The following ADAM22 variants were observed in gnomAD, a reference collection of about 807,000 sequenced individuals.
ADAM22 encodes the protein ADAM metallopeptidase domain 22.
A neutral mutation model predicts 144.6 loss-of-function variants in ADAM22; 65 were observed. The ratio of observed to expected loss-of-function variants is 0.45; its 90% CI spans 0.37 to 0.55. The LOEUF (loss-of-function observed/expected upper bound fraction) is 0.55. ADAM22 is among the 20% of genes least tolerant of loss of function. ADAM22 has a pLI of 0.00. For synonymous variants in ADAM22, 391 were observed against 412.6 expected (o/e 0.95, Z 0.63); for missense variants, 974 against 1,184.9 (o/e 0.82, Z 2.61).
At chr7:88,085,254 A>C (rs1818125571) in intron 4 of ADAM22, among the ~76,000 whole-genome samples, 1 of 152,234 alleles carries the variant, frequency 6.6e-6, no homozygotes, top group Non-Finnish European at 1.5e-5. Flanking sequence ...CTAAACTCTA[A>C]GAGCTTCTTG....
chr7:87,938,207 A>ATTT (rs59698275), intron 2 of ADAM22, among the ~76,000 whole-genome samples: 1,636 of 75,586 alleles, frequency 0.022, 297 homozygotes, highest in African/African-American at 0.087. Flanking sequence ...ATACCCATAG[A>ATTT]TTTTTTTTTT....
rs1586194186 is a variant in ADAM22, at chr7:88,148,087, G to A, written c.1486-890G>A. 3.3e-5 allele frequency among the ~76,000 whole-genome samples: 5 copies of A among 152,268 alleles called. No individual in the cohort carries two copies. In the South Asian group the frequency reaches 1.0e-3, roughly 32 times the overall value. On this transcript the variant is annotated intron_variant, in intron 17 of 31. Coordinates refer to ENST00000413139, the MANE Select transcript of ADAM22 (RefSeq NM_001324418.2). ...CAGATTGGAGTTTATAGTGGGCAGTGCATGTTCTAGGAACAGCAGGAGACT... is the reference window on the plus strand; with the variant it reads ...CAGATTGGAGTTTATAGTGGGCAGTACATGTTCTAGGAACAGCAGGAGACT...
In ADAM22 at chr7:87,959,666, A is replaced by T. The variant is rs529214103; in HGVS notation, c.247-18670A>T. Among the ~76,000 whole-genome samples, 7 of 152,342 alleles carry T rather than the reference A, an allele frequency of 4.6e-5. 1 individual carries two copies. The South Asian group carries it at 1.5e-3, about 32-fold the overall frequency. ...TTTGCCTGAAATACTTCAATATGCA[A>T]ATCAAAAGGAACAGACAGGTGATCT... On this transcript the variant is annotated intron_variant, in intron 2 of 31. Transcript: ENST00000413139.
intron 3 of ADAM22, among the ~76,000 whole-genome samples, chr7:88,020,742 T>A (rs183713579): frequency 1.6e-3 from 238 of 152,310 alleles, no homozygotes; most frequent in African/African-American, 5.4e-3. Flanking sequence ...ATTTTAAATT[T>A]TATGTATTTT....
chr7:88,186,657 G>A lies in ADAM22; in HGVS notation c.2706G>A (p.Lys902=). The part of the protein sequence containing the change: ...PWFKRDYNVA[K]WVEDVNKNTE... Reference sequence around the variant, plus strand: ...TCAAAAGAGACTATAATGTAGCTAAGTGGGTAGAAGATGTGAATAAAAACA... The same window carrying A: ...TCAAAAGAGACTATAATGTAGCTAAATGGGTAGAAGATGTGAATAAAAACA... Residue 902 remains lysine, a synonymous_variant, in exon 30 of 32, where the codon AAG becomes AAA. Transcript: ENST00000413139. The A allele has an allele frequency of 5.6e-6, 9 of 1,612,682 alleles. No homozygotes were observed. Among genetic ancestry groups the A allele is most frequent in the Non-Finnish European group, 7.6e-6 (9 of 1,178,732 alleles).
At chr7:88,102,433 A>G (rs1460603499) in intron 4 of ADAM22, among the ~76,000 whole-genome samples, 1 of 152,136 alleles carries the variant, frequency 6.6e-6, no homozygotes, top group Non-Finnish European at 1.5e-5. Context: ...GTTCTCAAGC[A>G]CTGAATTTGT....
rs557991653 is a variant in ADAM22 at position 88,108,973 on chromosome 7, G to C, written c.473+715G>C. ...TCCAAATTCAGACAGGAGTGATTTG[G>C]GTTAACTTTGGTGTCTGTTTCTGTG... On this transcript the variant is annotated intron_variant, in intron 5 of 31. Transcript: ENST00000413139. Among the ~76,000 whole-genome samples the C allele has an allele frequency of 1.5e-3, 234 of 152,196 alleles. 1 individual carries two copies. The highest frequency in any genetic ancestry group is 5.2e-3 in the African/African-American group (215 of 41,514).
chr7:88,028,445 G>T (rs1458986272), intron 3 of ADAM22, among the ~76,000 whole-genome samples: 6 of 152,152 alleles, frequency 3.9e-5, no homozygotes, highest in Non-Finnish European at 7.3e-5. Flanking sequence ...GGAGAAGAAT[G>T]TGTATTCTGT....
At position 88,128,658 on chromosome 7, in the gene ADAM22, T is replaced by C; in HGVS notation, c.735T>C (p.Ile245=). The C allele has an allele frequency of 6.2e-7, 1 of 1,611,968 alleles. No homozygotes were observed. Among genetic ancestry groups the C allele is most frequent in the Non-Finnish European group, 8.5e-7 (1 of 1,178,340 alleles). Reference sequence around the variant, plus strand: ...AAACCAAATACATTGAACTGATGATTGTGAATGATCACCTTATGGTAGGAT... The same window carrying C: ...AAACCAAATACATTGAACTGATGATCGTGAATGATCACCTTATGGTAGGAT... ...EEETKYIELM[I]VNDHLMFKKH... Residue 245 remains isoleucine, a synonymous_variant, in exon 9 of 32, where the codon ATT becomes ATC. Coordinates refer to ENST00000413139, the MANE Select transcript of ADAM22 (RefSeq NM_001324418.2).
At position 88,006,375 on chromosome 7, in the gene ADAM22, G is replaced by A. The variant is rs1793852868; in HGVS notation, c.323+27963G>A. 2.0e-5 allele frequency among the ~76,000 whole-genome samples: 3 copies of A among 151,900 alleles called. No individual in the cohort carries two copies. The South Asian group carries it at 6.2e-4, about 32-fold the overall frequency. ...GAAACTATTCCAATCAACAGAAAAA[G>A]AGGGAATCCTCCCTAACTCATTTTA... On this transcript the variant is annotated intron_variant, in intron 3 of 31. Coordinates refer to ENST00000413139, the MANE Select transcript of ADAM22 (RefSeq NM_001324418.2).
intron 3 of ADAM22, among the ~76,000 whole-genome samples, chr7:88,007,628 G>A (rs1794265514): frequency 6.6e-6 from 1 of 152,156 alleles, no homozygotes; most frequent in Admixed American, 6.6e-5. Context: ...TGACAAACCT[G>A]AGAAAAACCA....
intron 5 of ADAM22, among the ~76,000 whole-genome samples, chr7:88,112,170 G>A (rs1286198245): frequency 6.6e-6 from 1 of 152,202 alleles, no homozygotes; most frequent in Non-Finnish European, 1.5e-5. Context: ...CATATTGTCA[G>A]TAATGTCTTA....
At chr7:88,137,957 C>T (rs2129507748) in intron 14 of ADAM22, among the ~76,000 whole-genome samples, 1 of 152,216 alleles carries the variant, frequency 6.6e-6, no homozygotes, top group South Asian at 2.1e-4. Flanking sequence ...AGTTTGAGAC[C>T]AACCTGAGCA....
At chr7:88,117,784 C>T (rs1828187862) in intron 7 of ADAM22, among the ~76,000 whole-genome samples, 1 of 151,796 alleles carries the variant, frequency 6.6e-6, no homozygotes, top group Admixed American at 6.6e-5. Context: ...ACCTCCGCCT[C>T]CTGGGTTCAG....
chr7:88,005,260 C>G (rs1468446167), intron 3 of ADAM22, among the ~76,000 whole-genome samples: 1 of 152,080 alleles, frequency 6.6e-6, no homozygotes, highest in African/African-American at 2.4e-5. Context: ...GGAACAGGTG[C>G]AACTCTTTAA....
Position 87,970,953 on chromosome 7 carries a change from C to T in ADAM22, c.247-7383C>T, listed in dbSNP as rs999778169. ...CATTTTTCCCTTGAATCTTTTGTTT[C>T]ACAGCTTCTATAAATGTCAGCCTCA... On this transcript the variant is annotated intron_variant, in intron 2 of 31. Transcript: ENST00000413139. Among the ~76,000 whole-genome samples the T allele has an allele frequency of 2.0e-5, 3 of 152,234 alleles. No individual in the cohort carries two copies. The East Asian group carries it at 5.8e-4, about 29-fold the overall frequency.
At chr7:87,972,834 C>A (rs1368018494) in intron 2 of ADAM22, among the ~76,000 whole-genome samples, 4 of 152,130 alleles carry the variant, frequency 2.6e-5, no homozygotes, top group Non-Finnish European at 5.9e-5. Context: ...GAAAAACCAG[C>A]AATGGGGAAA....
At chr7:88,097,560 T>C (rs948394491) in intron 4 of ADAM22, among the ~76,000 whole-genome samples, 2 of 151,024 alleles carry the variant, frequency 1.3e-5, no homozygotes, top group Admixed American at 6.6e-5. Flanking sequence ...ATGGTAAAAG[T>C]GGAGAAAAAA....
chr7:88,101,259 C>A (rs1288677335), intron 4 of ADAM22, among the ~76,000 whole-genome samples: 2 of 151,998 alleles, frequency 1.3e-5, no homozygotes, highest in African/African-American at 4.8e-5. Flanking sequence ...GAAAGGGTCC[C>A]ACTTGTGGAA....
Sources: gnomAD v4.1 joint callset for allele counts (sites outside exome capture counted in the v4.1 genomes callset) on GRCh38, gnomAD v4.1.1 for gene constraint, MANE v1.5 for transcripts, NCBI Gene and HGNC (gene_info 2026-07-23, HGNC 2026-07-21) for gene names.